ANO1: variants seen among roughly 807,000 people sequenced by gnomAD.
The protein encoded by ANO1 is anoctamin 1.
ANO1 carries 59 observed loss-of-function variants against 124.0 expected under a neutral mutation model. The ratio of observed to expected loss-of-function variants is 0.48; its 90% CI spans 0.39 to 0.59. ANO1 has a LOEUF of 0.59. Ranked by LOEUF, ANO1 falls within the 20% of genes least tolerant of loss-of-function variation. The probability of loss-of-function intolerance (pLI) is 0.00; values close to 1 mark genes in which losing one functional copy is unlikely to be tolerated. For synonymous variants in ANO1, 529 were observed against 532.0 expected, an observed-to-expected ratio of 0.99 and a Z score of 0.08; for missense variants, 1,059 against 1,328.0, an observed-to-expected ratio of 0.80 and a Z score of 3.15.
chr11:70,122,454 GTC>G (rs1363002775), intron 8 of ANO1, among the ~76,000 whole-genome samples: 13 of 105,046 alleles, frequency 1.2e-4, no homozygotes, highest in African/African-American at 3.9e-4. Context: ...ACCTCTCTCT[GTC>G]TCTCTGTCTC....
chr11:69,999,970 C>G (rs894343298), intron 1 of ANO1, among the ~76,000 whole-genome samples: 1 of 152,256 alleles, frequency 6.6e-6, no homozygotes, highest in East Asian at 1.9e-4. Context: ...ATTCAGAGCA[C>G]GGCCCATACT....
chr11:69,999,076 A>G (rs1856331369), intron 1 of ANO1, among the ~76,000 whole-genome samples: 1 of 151,894 alleles, frequency 6.6e-6, no homozygotes, highest in Non-Finnish European at 1.5e-5. Flanking sequence ...AGAAAGAAAG[A>G]GAGACCTGAG....
At chr11:70,045,792 G>A (rs1857251789) in intron 1 of ANO1, among the ~76,000 whole-genome samples, 1 of 152,224 alleles carries the variant, frequency 6.6e-6, no homozygotes, top group Admixed American at 6.5e-5. Context: ...CCAAAAGGAG[G>A]ACTCCTGTGT....
At chr11:70,077,163 C>T (rs1441561198), upstream of ANO1, among the ~76,000 whole-genome samples, 1 of 152,190 alleles carries the variant, frequency 6.6e-6, no homozygotes, top group Non-Finnish European at 1.5e-5. Context: ...TGAATGTTCC[C>T]CAGTGGCCAT....
chr11:70,152,204 C>T (rs192075471), intron 12 of ANO1, among the ~76,000 whole-genome samples: 1,795 of 151,962 alleles, frequency 0.012, 43 homozygotes, highest in African/African-American at 0.041. Context: ...GGCGTGGTGG[C>T]GGGCGCCTGT....
At chr11:70,118,751 AGATGGATGGTT>A (rs2046103951) in intron 8 of ANO1, among the ~76,000 whole-genome samples, 1 of 150,716 alleles carries the variant, frequency 6.6e-6, no homozygotes, top group South Asian at 2.1e-4. Context: ...GTGGATGGAC[AGATGGATGGTT>A]GATGGATGGG....
intron 1 of ANO1, among the ~76,000 whole-genome samples, chr11:70,052,019 C>A (rs570162420): frequency 6.6e-6 from 1 of 152,154 alleles, no homozygotes; most frequent in African/African-American, 2.4e-5. Flanking sequence ...TATGGTTGGC[C>A]TTTTTGCATC....
At chr11:70,123,764 G>A (rs1421458186) in intron 8 of ANO1, among the ~76,000 whole-genome samples, 3 of 152,132 alleles carry the variant, frequency 2.0e-5, no homozygotes, top group South Asian at 2.1e-4. Context: ...CCACATGCGC[G>A]GGTTTATTTT....
At chr11:70,000,744 G>A (rs1424371032) in intron 1 of ANO1, among the ~76,000 whole-genome samples, 2 of 152,188 alleles carry the variant, frequency 1.3e-5, no homozygotes, top group African/African-American at 4.8e-5. Context: ...GCAACTGGAA[G>A]CTCCTGCAGA....
At chr11:70,094,547 G>C (rs901397418) in intron 2 of ANO1, among the ~76,000 whole-genome samples, 2 of 152,188 alleles carry the variant, frequency 1.3e-5, no homozygotes, top group Admixed American at 1.3e-4. Flanking sequence ...TCCCCACTCC[G>C]TGTGGGCTTC....
chr11:70,043,091 A>G (rs1555005234), intron 1 of ANO1, among the ~76,000 whole-genome samples: 2 of 152,216 alleles, frequency 1.3e-5, no homozygotes, highest in African/African-American at 4.8e-5. Context: ...AAATGATTAA[A>G]AGTGTGCTGC....
chr11:70,025,558 C>T (rs1191127171), intron 1 of ANO1, among the ~76,000 whole-genome samples: 1 of 140,172 alleles, frequency 7.1e-6, no homozygotes, highest in Non-Finnish European at 1.5e-5. Context: ...ATGGTGATGA[C>T]AATGATGATG....
chr11:70,041,236 T>A (rs1261269656), intron 1 of ANO1, among the ~76,000 whole-genome samples: 1 of 152,174 alleles, frequency 6.6e-6, no homozygotes, highest in Non-Finnish European at 1.5e-5. Context: ...TGAGTGCTAT[T>A]TGGCAGTTGC....
chr11:70,100,942 C>A (rs964925697), intron 2 of ANO1, among the ~76,000 whole-genome samples: 1 of 152,140 alleles, frequency 6.6e-6, no homozygotes. Context: ...GAGGCCTGAG[C>A]GGTGGTGCTG....
intron 10 of ANO1, among the ~76,000 whole-genome samples, chr11:70,131,450 C>A (rs900498336): frequency 6.6e-6 from 1 of 152,154 alleles, no homozygotes; most frequent in African/African-American, 2.4e-5. Flanking sequence ...GCCTCAGCCT[C>A]CCGAGTAGCT....
intron 22 of ANO1, among the ~76,000 whole-genome samples, chr11:70,179,713 A>AT (rs1267472965): frequency 1.3e-5 from 2 of 152,252 alleles, no homozygotes; most frequent in African/African-American, 4.8e-5. Flanking sequence ...GCGAACTAGC[A>AT]TTTAAACAGG....
chr11:70,083,754 T>C (rs1456814696), intron 1 of ANO1, among the ~76,000 whole-genome samples: 1 of 152,198 alleles, frequency 6.6e-6, no homozygotes, highest in Admixed American at 6.5e-5. Context: ...AGTCCCTGTG[T>C]ACTGAGGTCA....
At chr11:70,052,823 G>A (rs1004628347) in intron 1 of ANO1, among the ~76,000 whole-genome samples, 1 of 151,866 alleles carries the variant, frequency 6.6e-6, no homozygotes, top group African/African-American at 2.4e-5. Flanking sequence ...CCAAAGTCCT[G>A]GGCTTAAGCC....
intron 4 of ANO1, 110 bp from the exon 5 acceptor site, chr11:70,105,624 A>C (rs1289103741): frequency 1.9e-6 from 2 of 1,037,348 alleles, no homozygotes; most frequent in African/African-American, 3.2e-5. Context: ...AGTTCTGTCC[A>C]TTTCACGGTC....
Sources: gnomAD v4.1 joint callset for allele counts (sites outside exome capture counted in the v4.1 genomes callset) on GRCh38, gnomAD v4.1.1 for gene constraint, MANE v1.5 for transcripts, NCBI Gene and HGNC (gene_info 2026-07-23, HGNC 2026-07-21) for gene names.